The following NFIB variants were observed in gnomAD, a reference collection of about 807,000 sequenced individuals.
NFIB encodes the protein nuclear factor 1 B-type.
Under a neutral mutation model 61.5 loss-of-function variants are expected in NFIB, and 11 were observed. The observed-to-expected ratio is 0.18, with a 90% CI of 0.11 to 0.30. NFIB has a LOEUF of 0.30. Ranked by LOEUF, NFIB falls within the 10% of genes least tolerant of loss-of-function variation. The pLI is 1.00. For missense variants in NFIB, 471 were observed against 608.9 expected, an observed-to-expected ratio of 0.77 and a Z score of 2.38; for synonymous variants, 260 against 216.5, an observed-to-expected ratio of 1.20 and a Z score of -1.76.
intron 1 of NFIB, among the ~76,000 whole-genome samples, chr9:14,343,072 C>T (rs537661414): frequency 6.6e-6 from 1 of 151,908 alleles, no homozygotes; most frequent in Non-Finnish European, 1.5e-5. Flanking sequence ...GAGTGGGTGG[C>T]GAGGGGATGC....
intron 2 of NFIB, among the ~76,000 whole-genome samples, chr9:14,213,503 T>G (rs184989806): frequency 2.0e-5 from 3 of 152,222 alleles, no homozygotes; most frequent in African/African-American, 7.2e-5. Flanking sequence ...TAGGTCCAGA[T>G]AGGGCCCATG....
In NFIB at chr9:14,297,275, G is replaced by A. The variant is rs952912871; in HGVS notation, c.562+9714C>T. The stretch of plus-strand genomic sequence containing the variant: ...CCAACTCCACATTGGCGCTGCCCCT[G>A]AGGATGCTAATGAACCGGCAGAAAG... On this transcript the variant is annotated intron_variant, in intron 2 of 10. Coordinates refer to ENST00000380953, the MANE Select transcript of NFIB (RefSeq NM_001190737.2). Among the ~76,000 whole-genome samples, 23 of 152,198 alleles carry A rather than the reference G, an allele frequency of 1.5e-4. 1 individual carries two copies. Among genetic ancestry groups the A allele is most frequent in the African/African-American group, 5.3e-4 (22 of 41,452 alleles).
intron 1 of NFIB, among the ~76,000 whole-genome samples, chr9:14,378,862 T>C (rs926593552): frequency 6.6e-6 from 1 of 152,198 alleles, no homozygotes; most frequent in Admixed American, 6.5e-5. Context: ...AGGGTGTAGT[T>C]TGAAAACACA....
chr9:14,177,559 T>C (rs1475307703), intron 3 of NFIB, among the ~76,000 whole-genome samples: 2 of 152,114 alleles, frequency 1.3e-5, no homozygotes, highest in Admixed American at 1.3e-4. Context: ...ATATTTTACA[T>C]TCTGGATAAT....
chr9:14,506,559 T>C, the NFIB span, among the ~76,000 whole-genome samples: 1 of 152,176 alleles, frequency 6.6e-6, no homozygotes, highest in East Asian at 1.9e-4. Context: ...TAGGAGGGAT[T>C]ATTTTTGGAG....
intron 2 of NFIB, among the ~76,000 whole-genome samples, chr9:14,254,331 A>G (rs1273012325): frequency 1.3e-5 from 2 of 151,944 alleles, no homozygotes; most frequent in Non-Finnish European, 2.9e-5. Context: ...ACAAAACAAA[A>G]CAGCATTTCT....
chr9:14,527,067 G>T, the NFIB span, among the ~76,000 whole-genome samples: 2 of 152,084 alleles, frequency 1.3e-5, no homozygotes, highest in Non-Finnish European at 1.5e-5. Context: ...TCCCACATAA[G>T]AAAGTATCTT....
chr9:14,385,844 G>A (rs1319345488), intron 1 of NFIB, among the ~76,000 whole-genome samples: 1 of 150,274 alleles, frequency 6.7e-6, no homozygotes, highest in Non-Finnish European at 1.5e-5. Context: ...GTGCAGTGGT[G>A]CAATCTCAGC....
chr9:14,293,508 G>A (rs62532763), intron 2 of NFIB, among the ~76,000 whole-genome samples: 2 of 152,190 alleles, frequency 1.3e-5, no homozygotes, highest in African/African-American at 4.8e-5. Flanking sequence ...TACGCCTCAT[G>A]GGCCTTCCAC....
At position 14,313,625 on chromosome 9, in the gene NFIB, C is replaced by T. The variant is rs1246908212; in HGVS notation, c.-114G>A. The T allele has an allele frequency of 1.3e-6, 2 of 1,583,388 alleles. No individual in the cohort carries two copies. The highest frequency in any genetic ancestry group is 1.7e-5 in the Admixed American group (1 of 57,298). On this transcript the variant is annotated 5_prime_UTR_variant, in exon 1 of 11. Coordinates refer to ENST00000380953, the MANE Select transcript of NFIB (RefSeq NM_001190737.2). This position sits in a 1 kb window ranked among gnomAD's most constrained non-coding sequence, Gnocchi z 4.5. ...AGCCCCGCGATGCGATCAATCAGGACGGGGCTCTGCGCTGGATCACCGCAA... is the reference window on the plus strand; with the variant it reads ...AGCCCCGCGATGCGATCAATCAGGATGGGGCTCTGCGCTGGATCACCGCAA...
At chr9:14,352,774 A>G (rs549683496) in intron 1 of NFIB, among the ~76,000 whole-genome samples, 6 of 152,338 alleles carry the variant, frequency 3.9e-5, no homozygotes, top group Admixed American at 2.6e-4. Flanking sequence ...GAATCTCTCT[A>G]TGTAAACATA....
At chr9:14,188,748 G>C (rs1301772298) in intron 2 of NFIB, among the ~76,000 whole-genome samples, 1 of 152,176 alleles carries the variant, frequency 6.6e-6, no homozygotes, top group Non-Finnish European at 1.5e-5. Flanking sequence ...AAGATGAGAT[G>C]AATGTTCTTT....
intron 3 of NFIB, among the ~76,000 whole-genome samples, chr9:14,168,769 G>T (rs575917024): frequency 1.3e-5 from 2 of 152,204 alleles, no homozygotes; most frequent in Non-Finnish European, 2.9e-5. Flanking sequence ...TTTTTAAAGA[G>T]TTATTAAGAT....
In NFIB at chr9:14,120,991, A is replaced by C. The variant is rs2038855671; in HGVS notation, c.1061-367T>G. Among the ~76,000 whole-genome samples the C allele has an allele frequency of 6.6e-6, 1 of 152,246 alleles. No homozygotes were observed. The highest frequency in any genetic ancestry group is 2.1e-4 in the South Asian group (1 of 4,836). On this transcript the variant is annotated intron_variant, in intron 7 of 10. Transcript: ENST00000380953. This position sits in a 1 kb window ranked among gnomAD's most constrained non-coding sequence, Gnocchi z 4.4. The stretch of plus-strand genomic sequence containing the variant: ...ATTATAAAATCTTTAGGCCGGGTGC[A>C]GTAGCTCACACCTGTAATCCCAGCA...
At chr9:14,433,604 A>T in the NFIB span, among the ~76,000 whole-genome samples, 1 of 152,190 alleles carries the variant, frequency 6.6e-6, no homozygotes, top group Non-Finnish European at 1.5e-5. Flanking sequence ...TTATTACTGT[A>T]TAGCCCTGGC....
At chr9:14,401,107 T>C (rs16931709), upstream of NFIB, among the ~76,000 whole-genome samples, 5,335 of 152,302 alleles carry the variant, frequency 0.035, 288 homozygotes, top group African/African-American at 0.12. Context: ...AGATGCTCAA[T>C]AGATATGACA....
rs1317923041 is a variant in NFIB at position 14,308,288 on chromosome 9, A to G, written c.31-768T>C. Among the ~76,000 whole-genome samples, 5 of 152,034 alleles carry G rather than the reference A, an allele frequency of 3.3e-5. No individual in the cohort carries two copies. The East Asian group carries it at 7.7e-4, about 23-fold the overall frequency. On this transcript the variant is annotated intron_variant, in intron 1 of 10. Transcript: ENST00000380953. Reference sequence around the variant, plus strand: ...AACAGAAGGTTTCCATACTTTGAGCAGTGCATTCTCTCCCCACACTACCAA... The same window carrying G: ...AACAGAAGGTTTCCATACTTTGAGCGGTGCATTCTCTCCCCACACTACCAA...
intron 7 of NFIB, among the ~76,000 whole-genome samples, chr9:14,124,614 T>G (rs2039394923): frequency 6.6e-6 from 1 of 152,164 alleles, no homozygotes; most frequent in Non-Finnish European, 1.5e-5. Flanking sequence ...AATAACAGTT[T>G]CACTATTAAC....
chr9:14,280,792 G>C lies in NFIB; in HGVS notation c.562+26197C>G, dbSNP rs370441169. Reference sequence around the variant, plus strand: ...TTTACGAGTAGTAAAATAGGGAAAAGAATCCTCAGGTATAGAAGGTGGCCA... The same window carrying C: ...TTTACGAGTAGTAAAATAGGGAAAACAATCCTCAGGTATAGAAGGTGGCCA... On this transcript the variant is annotated intron_variant, in intron 2 of 10. Transcript: ENST00000380953. 5.3e-5 allele frequency among the ~76,000 whole-genome samples: 8 copies of C among 152,230 alleles called. No individual in the cohort carries two copies. The East Asian group carries it at 1.5e-3, about 29-fold the overall frequency.
Sources: allele counts gnomAD v4.1 joint callset (sites outside exome capture counted in the v4.1 genomes callset), GRCh38; gene constraint gnomAD v4.1.1; non-coding constraint Gnocchi (gnomAD v3.1); transcripts MANE v1.5; gene names NCBI Gene and HGNC (gene_info 2026-07-23, HGNC 2026-07-21).